PCDHGB6: variants seen among roughly 807,000 people sequenced by gnomAD.
The protein encoded by PCDHGB6 is protocadherin gamma-B6.
Under a neutral mutation model 59.1 loss-of-function variants are expected in PCDHGB6, and 51 were observed. The observed-to-expected ratio is 0.86, with a 90% CI of 0.69 to 1.09. The LOEUF is 1.09. Among genes scored for constraint, PCDHGB6 ranks in the 50% least tolerant of loss-of-function variants. PCDHGB6 has a pLI of 0.00. For synonymous variants in PCDHGB6, 466 were observed against 495.1 expected, an observed-to-expected ratio of 0.94 and a Z score of 0.78; for missense variants, 1,148 against 1,205.1, an observed-to-expected ratio of 0.95 and a Z score of 0.70.
intron 1 of PCDHGB6, chr5:141,414,476 C>G (rs1242647918): frequency 6.2e-7 from 1 of 1,613,920 alleles, no homozygotes; most frequent in Non-Finnish European, 8.5e-7. Context: ...GGGGGAAGTC[C>G]TCCTCTATCA....
chr5:141,413,461 C>G (rs1294898087), intron 1 of PCDHGB6: 11 of 1,614,082 alleles, frequency 6.8e-6, no homozygotes, highest in Non-Finnish European at 7.6e-6. Flanking sequence ...CAGGATAGAC[C>G]GGGAGGAGCT....
chr5:141,440,902 G>C (rs138147244), intron 1 of PCDHGB6: 1 of 152,110 alleles, frequency 6.6e-6, no homozygotes, highest in Admixed American at 6.6e-5. Context: ...ATGTGCATCC[G>C]GGCACTCCTG....
chr5:141,475,955 C>A, intron 1 of PCDHGB6: 1 of 800,218 alleles, frequency 1.2e-6, no homozygotes, highest in Non-Finnish European at 1.9e-6. Flanking sequence ...TTCTGCGCCC[C>A]GGGATGAGGC....
At chr5:141,426,726 G>A (rs916323483) in intron 1 of PCDHGB6, 2 of 448,052 alleles carry the variant, frequency 4.5e-6, no homozygotes, top group South Asian at 1.6e-5. Flanking sequence ...AGCAATTCCA[G>A]GCATTCGGTT....
At chr5:141,444,692 T>G (rs531452351) in intron 1 of PCDHGB6, among the ~76,000 whole-genome samples, 1 of 152,360 alleles carries the variant, frequency 6.6e-6, no homozygotes, top group South Asian at 2.1e-4. Context: ...TTAAAAATAT[T>G]TTCCTCTTTC....
At chr5:141,510,431 G>A (rs912708135) in intron 3 of PCDHGB6, among the ~76,000 whole-genome samples, 9 of 152,132 alleles carry the variant, frequency 5.9e-5, no homozygotes, top group African/African-American at 1.9e-4. Flanking sequence ...TTTCATGGCT[G>A]CTGCCCTCCA....
intron 1 of PCDHGB6, chr5:141,419,577 C>T: frequency 3.7e-6 from 6 of 1,611,732 alleles, no homozygotes; most frequent in Non-Finnish European, 5.1e-6. Flanking sequence ...GACGGCTCCG[C>T]GCTCTTCGAC....
intron 1 of PCDHGB6, among the ~76,000 whole-genome samples, chr5:141,424,973 G>A (rs2096851520): frequency 6.6e-6 from 1 of 152,108 alleles, no homozygotes; most frequent in African/African-American, 2.4e-5. Flanking sequence ...AAATTACTTG[G>A]ATATTTATGT....
chr5:141,408,431 G>A lies in PCDHGB6; in HGVS notation c.229G>A (p.Val77Ile). ...RVSAEKLHFS[V>I]DAESGDLLVK... Reference sequence around the variant, plus strand: ...GAGCGCGGAGAAGCTGCACTTCAGCGTAGACGCGGAGAGCGGGGACTTACT... The same window carrying A: ...GAGCGCGGAGAAGCTGCACTTCAGCATAGACGCGGAGAGCGGGGACTTACT... Residue 77 changes from valine to isoleucine, a missense_variant, in exon 1 of 4, where the codon GTA (valine) becomes ATA (isoleucine). By Grantham distance (29) the Val-to-Ile change is conservative. Around this residue, in one of 5 missense-constraint regions of PCDHGB6, gnomAD observed 307 missense variants for 323.8 expected, o/e 0.95. Transcript: ENST00000520790. 1 of 1,614,064 alleles carries A rather than the reference G, an allele frequency of 6.2e-7. No homozygotes were observed.
In PCDHGB6 at chr5:141,432,776, G is replaced by C. The variant is rs975435403; in HGVS notation, c.2418+22156G>C. 1.9e-6 allele frequency: 3 copies of C among 1,614,172 alleles called. No homozygotes were observed. In the African/African-American group the frequency reaches 4.0e-5, roughly 22 times the overall value. ...GGCCGACAGCATCCCCCAAGTCCTG[G>C]CGGACCTCGGCAGCCTCGAGTCTCC... On this transcript the variant is annotated intron_variant, in intron 1 of 3. Transcript: ENST00000520790. This position sits in a 1 kb window ranked among gnomAD's most constrained non-coding sequence, Gnocchi z 6.0.
At position 141,431,869 on chromosome 5, in the gene PCDHGB6, T is replaced by C. The variant is rs140856757; in HGVS notation, c.2418+21249T>C. ...GAGGGACATTAATTGCCCTTTTAAA[T>C]GTAAATGACCAAGATTCTGAGGAAA... is the stretch of plus-strand genomic sequence containing the variant. On this transcript the variant is annotated intron_variant, in intron 1 of 3. Transcript: ENST00000520790. The surrounding 1 kb of genome is among the most constrained non-coding windows in gnomAD (Gnocchi z 4.8). 8.5e-4 allele frequency: 1,376 copies of C among 1,614,252 alleles called. 2 individuals carry two copies. Among genetic ancestry groups the C allele is most frequent in the Non-Finnish European group, 1.1e-3 (1,291 of 1,180,028 alleles).
chr5:141,415,740 GTTTTTTTTTTTTTTT>G (rs57426385), intron 1 of PCDHGB6: 171 of 625,014 alleles, frequency 2.7e-4, no homozygotes, highest in East Asian at 8.8e-4. Flanking sequence ...GTTTATTAAG[GTTTTTTTTTTTTTTT>G]TTTTTTTTTT....
rs373882091 is a variant in PCDHGB6 at position 141,432,369 on chromosome 5, A to T, written c.2418+21749A>T. 1.2e-6 allele frequency: 2 copies of T among 1,614,104 alleles called. No homozygotes were observed. Among genetic ancestry groups the T allele is most frequent in the African/African-American group, 2.7e-5 (2 of 74,938 alleles). On this transcript the variant is annotated intron_variant, in intron 1 of 3. Transcript: ENST00000520790. The surrounding 1 kb of genome is among the most constrained non-coding windows in gnomAD (Gnocchi z 6.0). Reference sequence around the variant, plus strand: ...CAAGTGAAAGTGATGGCGCGGGACAACGGGCACCCGCCCCTCAGCAGCAAC... The same window carrying T: ...CAAGTGAAAGTGATGGCGCGGGACATCGGGCACCCGCCCCTCAGCAGCAAC...
Position 141,409,494 on chromosome 5 carries a change from C to T in PCDHGB6, c.1292C>T (p.Pro431Leu), listed in dbSNP as rs755680835. 13 of 1,613,910 alleles carry T rather than the reference C, an allele frequency of 8.1e-6. No individual in the cohort carries two copies. Among genetic ancestry groups the T allele is most frequent in the South Asian group, 3.3e-5 (3 of 91,096 alleles). Residue 431 changes from proline to leucine, a missense_variant, in exon 1 of 4, where the codon CCT becomes CTT. Pro to Leu is a moderately conservative substitution (Grantham distance 98). Around this residue, in one of 5 missense-constraint regions of PCDHGB6, gnomAD observed 549 missense variants for 527.5 expected, o/e 1.04. Coordinates refer to ENST00000520790, the MANE Select transcript of PCDHGB6 (RefSeq NM_018926.3). ...GTAGCCACTGACAGGGGCAAGCCGC[C>T]TCTTTCTTCCAGTAGAAGCATCACC... Reference protein sequence around the residue: ...TIVATDRGKPPLSSSRSITLY... With the variant: ...TIVATDRGKPLLSSSRSITLY...
Position 141,409,097 on chromosome 5 carries a change from G to C in PCDHGB6, c.895G>C (p.Gly299Arg). 6.2e-7 allele frequency: 1 copy of C among 1,613,958 alleles called. No individual in the cohort carries two copies. Among genetic ancestry groups the C allele is most frequent in the Non-Finnish European group, 8.5e-7 (1 of 1,179,882 alleles). Reference protein sequence around the residue: ...KHMFSLDEKTGMIKNNQSFDF... With the variant: ...KHMFSLDEKTRMIKNNQSFDF... ...TATGTTCTCATTGGATGAGAAAACA[G>C]GTATGATTAAGAATAACCAGTCATT... is the stretch of plus-strand genomic sequence containing the variant. The change falls in exon 1 of 4, where the codon GGT becomes CGT. Residue 299 changes from glycine (G) to arginine (R), a missense_variant. Around this residue, in one of 5 missense-constraint regions of PCDHGB6, gnomAD observed 549 missense variants for 527.5 expected, o/e 1.04. Transcript: ENST00000520790.
chr5:141,456,773 G>A (rs1178932462), intron 1 of PCDHGB6, among the ~76,000 whole-genome samples: 6 of 151,980 alleles, frequency 3.9e-5, no homozygotes, highest in African/African-American at 1.2e-4. Context: ...GACCAGCCTG[G>A]CCTACATGGC....
At position 141,428,400 on chromosome 5, in the gene PCDHGB6, G is replaced by T. The variant is rs373595231; in HGVS notation, c.2418+17780G>T. 3 of 483,290 alleles carry T rather than the reference G, an allele frequency of 6.2e-6. No individual in the cohort carries two copies. The East Asian group carries it at 1.2e-4, about 20-fold the overall frequency. 29.9% of individuals were successfully genotyped at this position (483,290 alleles called of 1,614,324 possible). ...GATGCTCTTCCAGCCCCTCTGCCTGGGGTTGCTTTCACCCTGGTCTCTGTT... is the reference window on the plus strand; with the variant it reads ...GATGCTCTTCCAGCCCCTCTGCCTGTGGTTGCTTTCACCCTGGTCTCTGTT... On this transcript the variant is annotated intron_variant, in intron 1 of 3. Coordinates refer to ENST00000520790, the MANE Select transcript of PCDHGB6 (RefSeq NM_018926.3).
chr5:141,408,339 T>C lies in PCDHGB6; in HGVS notation c.137T>C (p.Val46Ala), dbSNP rs768142301. 1.7e-5 allele frequency: 27 copies of C among 1,613,672 alleles called. No homozygotes were observed. In the Middle Eastern group the frequency reaches 9.9e-4, roughly 59 times the overall value. ...SIPEELAKGS[V>A]VGNLAKDLGL... ...CCGGAGGAGCTGGCCAAGGGCTCGGTGGTGGGGAACCTCGCTAAGGATCTA... is the reference window on the plus strand; with the variant it reads ...CCGGAGGAGCTGGCCAAGGGCTCGGCGGTGGGGAACCTCGCTAAGGATCTA... The change falls in exon 1 of 4, where the codon GTG becomes GCG. Residue 46 changes from valine (V) to alanine (A), a missense_variant. Physicochemically the swap from Val to Ala is moderately conservative, Grantham distance 64. Coordinates refer to ENST00000520790, the MANE Select transcript of PCDHGB6 (RefSeq NM_018926.3).
chr5:141,415,935 C>A, intron 1 of PCDHGB6: 1 of 601,886 alleles, frequency 1.7e-6, no homozygotes, highest in Non-Finnish European at 2.4e-6. Context: ...TTTATATTTC[C>A]TCCTGGGTGG....
Sources: allele counts gnomAD v4.1 joint callset (sites outside exome capture counted in the v4.1 genomes callset), GRCh38; gene constraint gnomAD v4.1.1; regional missense constraint gnomAD v4.1.1; non-coding constraint Gnocchi (gnomAD v3.1); transcripts MANE v1.5; gene names NCBI Gene and HGNC (gene_info 2026-07-23, HGNC 2026-07-21).